Variants in LRP1B observed in about 807,000 individuals in gnomAD.
The protein encoded by LRP1B is low-density lipoprotein receptor-related protein 1B.
In LRP1B, 217 loss-of-function variants were observed where a neutral mutation model predicts 556.6. The observed-to-expected ratio is 0.39, with a 90% CI of 0.35 to 0.44. The LOEUF (loss-of-function observed/expected upper bound fraction) is 0.44. Among genes scored for constraint, LRP1B ranks in the 20% least tolerant of loss-of-function variants. The pLI is 1.00. For missense variants in LRP1B, 5,053 were observed against 5,620.8 expected (o/e 0.90, Z 3.23); for synonymous variants, 2,047 against 1,865.8 (o/e 1.10, Z -2.50).
chr2:140,665,757 G>A (rs917070439), intron 41 of LRP1B, among the ~76,000 whole-genome samples: 1 of 152,058 alleles, frequency 6.6e-6, no homozygotes, highest in African/African-American at 2.4e-5. Flanking sequence ...TGGCCAACAG[G>A]ATCCTAAAAC....
chr2:141,310,795 A>C (rs1034507083), intron 3 of LRP1B, among the ~76,000 whole-genome samples: 1 of 152,214 alleles, frequency 6.6e-6, no homozygotes, highest in Non-Finnish European at 1.5e-5. Flanking sequence ...ATTGATGCCC[A>C]TGATTGTGTA....
At chr2:140,613,916 T>G (rs889675430) in intron 41 of LRP1B, among the ~76,000 whole-genome samples, 2 of 152,108 alleles carry the variant, frequency 1.3e-5, no homozygotes, top group Non-Finnish European at 2.9e-5. Context: ...TGTATGTATC[T>G]CCTACAACTC....
At chr2:142,122,048 A>G (rs1004997867) in intron 1 of LRP1B, among the ~76,000 whole-genome samples, 2 of 152,168 alleles carry the variant, frequency 1.3e-5, no homozygotes, top group Non-Finnish European at 2.9e-5. Flanking sequence ...TTTCACAGAC[A>G]TTACACTCTG....
In LRP1B at chr2:140,485,490, G is replaced by C. The variant is rs2105363137; in HGVS notation, c.9278C>G (p.Ala3093Gly). 6.2e-7 allele frequency: 1 copy of C among 1,613,692 alleles called. No individual in the cohort carries two copies. Among genetic ancestry groups the C allele is most frequent in the Non-Finnish European group, 8.5e-7 (1 of 1,179,770 alleles). ...GAGGTTTTTTCCAATCCAATCGACA[G>C]CAAGTGCATTGGGGACCGCTGTGTT... is the stretch of plus-strand genomic sequence containing the variant. ...VHNTAVPNAL[A>G]VDWIGKNLYW... The change falls in exon 59 of 91, where the codon GCT (alanine) becomes GGT (glycine). Residue 3093 changes from alanine (A) to glycine (G), a missense_variant. Physicochemically the swap from Ala to Gly is moderately conservative, Grantham distance 60. Around this residue, in one of 5 missense-constraint regions of LRP1B, gnomAD observed 3,619 missense variants for 3,931.9 expected, o/e 0.92. Coordinates refer to ENST00000389484, the MANE Select transcript of LRP1B (RefSeq NM_018557.3).
intron 2 of LRP1B, among the ~76,000 whole-genome samples, chr2:141,560,228 T>C (rs1000962359): frequency 5.9e-5 from 9 of 151,806 alleles, no homozygotes; most frequent in Admixed American, 1.3e-4. Flanking sequence ...TCCAGCATTA[T>C]AGTGCACTTA....
At chr2:140,967,262 C>A (rs555438359) in intron 18 of LRP1B, among the ~76,000 whole-genome samples, 1 of 151,746 alleles carries the variant, frequency 6.6e-6, no homozygotes, top group Non-Finnish European at 1.5e-5. Context: ...TCTTCACATC[C>A]CTTGTAAGTT....
chr2:140,518,330 T>TA (rs1690007608), intron 49 of LRP1B, among the ~76,000 whole-genome samples: 1 of 152,120 alleles, frequency 6.6e-6, no homozygotes, highest in Non-Finnish European at 1.5e-5. Context: ...TGGCTTCCTG[T>TA]CTGTCTGTCT....
intron 2 of LRP1B, 136 bp downstream of exon 2, chr2:141,810,141 GAA>G (rs879835833): frequency 0.022 from 10,617 of 472,034 alleles, 275 homozygotes; most frequent in South Asian, 0.034. Flanking sequence ...AAGAAAGAAA[GAA>G]AGAAAGAAAG....
intron 2 of LRP1B, among the ~76,000 whole-genome samples, chr2:141,737,380 G>A (rs968686738): frequency 8.6e-5 from 13 of 152,022 alleles, no homozygotes; most frequent in East Asian, 1.9e-4. Context: ...ACAAAAAAGC[G>A]GAAGTTGCCT....
At chr2:141,695,486 A>G (rs887368151) in intron 2 of LRP1B, among the ~76,000 whole-genome samples, 1 of 152,094 alleles carries the variant, frequency 6.6e-6, no homozygotes, top group Admixed American at 6.6e-5. Context: ...AAATTTATAA[A>G]GCAAGTATTG....
intron 1 of LRP1B, among the ~76,000 whole-genome samples, chr2:141,872,706 A>T (rs945600442): frequency 2.0e-5 from 3 of 151,946 alleles, no homozygotes; most frequent in African/African-American, 7.2e-5. Context: ...AAATAAAGAA[A>T]AAAAATCTGT....
intron 43 of LRP1B, among the ~76,000 whole-genome samples, chr2:140,592,961 CACACACAT>C (rs1003253382): frequency 2.0e-5 from 3 of 151,458 alleles, no homozygotes; most frequent in Non-Finnish European, 4.4e-5. Flanking sequence ...CACACACACA[CACACACAT>C]ACACACAAAG....
chr2:140,979,061 C>G (rs1222635604), intron 18 of LRP1B, among the ~76,000 whole-genome samples: 1 of 152,178 alleles, frequency 6.6e-6, no homozygotes, highest in Non-Finnish European at 1.5e-5. Flanking sequence ...TCACTGCAAT[C>G]TCTGCCTCCC....
intron 15 of LRP1B, among the ~76,000 whole-genome samples, chr2:141,004,351 C>G (rs866390104): frequency 1.3e-5 from 2 of 151,562 alleles, no homozygotes; most frequent in African/African-American, 4.9e-5. Flanking sequence ...AATCAGTTGG[C>G]CAGAGTGGAA....
intron 35 of LRP1B, among the ~76,000 whole-genome samples, chr2:140,728,460 A>G (rs1687667983): frequency 6.6e-6 from 1 of 152,162 alleles, no homozygotes; most frequent in Admixed American, 6.5e-5. Flanking sequence ...GGTAAGCTGC[A>G]AAATTGAGAC....
At chr2:141,163,941 C>A (rs1680142800) in intron 7 of LRP1B, among the ~76,000 whole-genome samples, 1 of 152,006 alleles carries the variant, frequency 6.6e-6, no homozygotes, top group Non-Finnish European at 1.5e-5. Flanking sequence ...TTCTTTAAGA[C>A]CTTCAAAATT....
At chr2:140,975,709 A>G (rs1298969868) in intron 18 of LRP1B, among the ~76,000 whole-genome samples, 2 of 152,168 alleles carry the variant, frequency 1.3e-5, no homozygotes, top group Non-Finnish European at 2.9e-5. Context: ...TTTCATGTCA[A>G]TATTCCACTG....
chr2:140,697,216 T>C lies in LRP1B; in HGVS notation c.6799+3034A>G, dbSNP rs76827602. The stretch of plus-strand genomic sequence containing the variant: ...TGACAGAATTAGAGTGATTTGATTG[T>C]ATGTATACTTTAATTAAAATGTTTT... On this transcript the variant is annotated intron_variant, in intron 41 of 90. Coordinates refer to ENST00000389484, the MANE Select transcript of LRP1B (RefSeq NM_018557.3). Among the ~76,000 whole-genome samples, 2,973 of 152,198 alleles carry C rather than the reference T, an allele frequency of 0.02. 197 individuals carry two copies. In the East Asian group the frequency reaches 0.23, roughly 12 times the overall value.
chr2:141,727,682 C>T (rs1249550386), intron 2 of LRP1B, among the ~76,000 whole-genome samples: 1 of 152,098 alleles, frequency 6.6e-6, no homozygotes, highest in Non-Finnish European at 1.5e-5. Flanking sequence ...ACCCTTGCCT[C>T]ACAGCCAATA....
Sources: gnomAD v4.1 joint callset for allele counts (sites outside exome capture counted in the v4.1 genomes callset) on GRCh38, gnomAD v4.1.1 for gene constraint, gnomAD v4.1.1 regional missense constraint, MANE v1.5 for transcripts, NCBI Gene and HGNC (gene_info 2026-07-23, HGNC 2026-07-21) for gene names.